Variants in FSTL4 observed in about 807,000 individuals in gnomAD.
FSTL4 encodes the protein follistatin-related protein 4.
A neutral mutation model predicts 78.2 loss-of-function variants in FSTL4; 28 were observed. That is an observed-to-expected ratio of 0.36 (90% CI 0.27 to 0.49). The LOEUF (loss-of-function observed/expected upper bound fraction) is 0.49, where lower values mean the gene tolerates loss of function less well. Ranked by LOEUF, FSTL4 falls within the 20% of genes least tolerant of loss-of-function variation. FSTL4 has a pLI of 0.98. For synonymous variants in FSTL4, 422 were observed against 440.5 expected (o/e 0.96, Z 0.53); for missense variants, 922 against 1,084.9 (o/e 0.85, Z 2.11).
chr5:133,303,658 T>C (rs1486354644), intron 6 of FSTL4, among the ~76,000 whole-genome samples: 1 of 152,134 alleles, frequency 6.6e-6, no homozygotes, highest in Non-Finnish European at 1.5e-5. Flanking sequence ...CTGGGCCTTG[T>C]AGTAGTGGTG....
At chr5:133,211,159 T>C (rs1477826213) in intron 13 of FSTL4, among the ~76,000 whole-genome samples, 1 of 152,256 alleles carries the variant, frequency 6.6e-6, no homozygotes, top group Non-Finnish European at 1.5e-5. Flanking sequence ...CTTTTTTAAC[T>C]GCAGTACTGC....
chr5:133,285,648 CT>C (rs1448708982), intron 6 of FSTL4, among the ~76,000 whole-genome samples: 2 of 152,220 alleles, frequency 1.3e-5, no homozygotes, highest in East Asian at 3.9e-4. Context: ...TGATCTTCCT[CT>C]GTGAGGAAGT....
chr5:133,581,172 A>C (rs891318655), intron 2 of FSTL4, among the ~76,000 whole-genome samples: 2 of 152,264 alleles, frequency 1.3e-5, no homozygotes, highest in Non-Finnish European at 2.9e-5. Flanking sequence ...TTTAATTAAA[A>C]AGGCTTTAAG....
chr5:133,273,734 G>A (rs1012289893), intron 6 of FSTL4, among the ~76,000 whole-genome samples: 10 of 152,144 alleles, frequency 6.6e-5, no homozygotes, highest in Admixed American at 3.9e-4. Flanking sequence ...AGGCCTTTGC[G>A]TAGCTGAAGG....
intron 3 of FSTL4, among the ~76,000 whole-genome samples, chr5:133,498,831 T>C (rs1436411726): frequency 6.6e-6 from 1 of 151,930 alleles, no homozygotes; most frequent in Non-Finnish European, 1.5e-5. Flanking sequence ...CCACACCAAC[T>C]CACTCACTTT....
intron 14 of FSTL4, chr5:133,208,332 T>C (rs1448911608): frequency 6.6e-6 from 1 of 151,788 alleles, no homozygotes; most frequent in African/African-American, 2.4e-5. Context: ...GTCTTCCAGC[T>C]CCTATTGCAG....
At chr5:133,228,443 G>A (rs893634890) in intron 8 of FSTL4, among the ~76,000 whole-genome samples, 4 of 152,102 alleles carry the variant, frequency 2.6e-5, no homozygotes, top group African/African-American at 7.2e-5. Flanking sequence ...GCATAACCTG[G>A]ACACCAAAAC....
rs968190280 is a variant in FSTL4 at position 133,338,735 on chromosome 5, C to T, written c.410-22083G>A. 6.6e-6 allele frequency among the ~76,000 whole-genome samples: 1 copy of T among 152,118 alleles called. No homozygotes were observed. The highest frequency in any genetic ancestry group is 1.5e-5 in the Non-Finnish European group (1 of 68,008). On this transcript the variant is annotated intron_variant, in intron 4 of 15. Coordinates refer to ENST00000265342, the MANE Select transcript of FSTL4 (RefSeq NM_015082.2). The surrounding 1 kb of genome is among the most constrained non-coding windows in gnomAD (Gnocchi z 4.0). ...ATCAAGACTGCTCCTTCTTTCACAT[C>T]CCAGCCTCAGCCGACAACCCCTCCA...
the FSTL4 span, among the ~76,000 whole-genome samples, chr5:133,630,940 A>G: frequency 6.6e-6 from 1 of 152,164 alleles, no homozygotes; most frequent in Non-Finnish European, 1.5e-5. Flanking sequence ...AGCCATGTAC[A>G]TATACAGGGA....
At chr5:133,456,508 C>T (rs1561724135) in intron 3 of FSTL4, among the ~76,000 whole-genome samples, 1 of 152,208 alleles carries the variant, frequency 6.6e-6, no homozygotes, top group African/African-American at 2.4e-5. Flanking sequence ...CCAGCTGATT[C>T]TCTGCCTGCT....
At chr5:133,216,239 C>T (rs2126780352) in intron 13 of FSTL4, among the ~76,000 whole-genome samples, 2 of 152,176 alleles carry the variant, frequency 1.3e-5, no homozygotes, top group East Asian at 3.8e-4. Context: ...TTTCACCACT[C>T]CCACTGCTGT....
At chr5:133,443,380 C>G (rs557140041) in intron 3 of FSTL4, among the ~76,000 whole-genome samples, 1 of 152,244 alleles carries the variant, frequency 6.6e-6, no homozygotes, top group Non-Finnish European at 1.5e-5. Context: ...CAAGCTTGAA[C>G]TGAAATTGTC....
intron 4 of FSTL4, among the ~76,000 whole-genome samples, chr5:133,393,589 T>C (rs2562375): frequency 0.56 from 85,623 of 152,096 alleles, 26,122 homozygotes; most frequent in East Asian, 0.88. Flanking sequence ...GGCCCAAAAG[T>C]GGAAGGGCAA....
At chr5:133,371,742 A>G (rs960170515) in intron 4 of FSTL4, among the ~76,000 whole-genome samples, 5 of 152,366 alleles carry the variant, frequency 3.3e-5, no homozygotes, top group African/African-American at 4.8e-5. Context: ...TGTTTGTTAC[A>G]GGAGCATCAT....
At chr5:133,221,904 T>TGTTTTTTTG (rs796432581) in intron 11 of FSTL4, among the ~76,000 whole-genome samples, 1 of 106,178 alleles carries the variant, frequency 9.4e-6, no homozygotes, top group Non-Finnish European at 1.8e-5. Context: ...TTTTTTTTTT[T>TGTTTTTTTG]TTTTTTTTTT....
intron 6 of FSTL4, among the ~76,000 whole-genome samples, chr5:133,298,373 C>T (rs529183509): frequency 1.4e-4 from 21 of 152,320 alleles, no homozygotes; most frequent in Admixed American, 2.6e-4. Context: ...GCCCATCCAG[C>T]CAACACTCCA....
chr5:133,576,585 C>T (rs1043509102), intron 2 of FSTL4, among the ~76,000 whole-genome samples: 3 of 152,174 alleles, frequency 2.0e-5, no homozygotes, highest in Non-Finnish European at 2.9e-5. Flanking sequence ...ACAAGGGGCC[C>T]GGCCTGAGGA....
the FSTL4 span, among the ~76,000 whole-genome samples, chr5:133,750,620 T>G: frequency 6.6e-6 from 1 of 151,652 alleles, no homozygotes; most frequent in African/African-American, 2.4e-5. Flanking sequence ...GTCCCTAGAG[T>G]GGGTACGAGA....
the FSTL4 span, among the ~76,000 whole-genome samples, chr5:133,737,634 T>G: frequency 7.2e-6 from 1 of 138,102 alleles, no homozygotes; most frequent in Non-Finnish European, 1.5e-5. Context: ...AGACGGAGTC[T>G]CACTCTGTCA....
Sources: allele counts gnomAD v4.1 joint callset (sites outside exome capture counted in the v4.1 genomes callset), GRCh38; gene constraint gnomAD v4.1.1; non-coding constraint Gnocchi (gnomAD v3.1); transcripts MANE v1.5; gene names NCBI Gene and HGNC (gene_info 2026-07-23, HGNC 2026-07-21).